The following PSMG2 variants were observed in gnomAD, a reference collection of about 807,000 sequenced individuals.
PSMG2 encodes proteasome assembly chaperone 2, also known as CD40 ligand-activated specific transcript 3.
In PSMG2, 21 loss-of-function variants were observed where a neutral mutation model predicts 31.5. The observed-to-expected ratio is 0.67, with a 90% CI of 0.47 to 0.96. The LOEUF (loss-of-function observed/expected upper bound fraction) is 0.96, where lower values mean the gene tolerates loss of function less well. Among genes scored for constraint, PSMG2 ranks in the 40% least tolerant of loss-of-function variants. The pLI is 0.00. For synonymous variants in PSMG2, 120 were observed against 110.4 expected, an observed-to-expected ratio of 1.09 and a Z score of -0.54; for missense variants, 318 against 321.2, an observed-to-expected ratio of 0.99 and a Z score of 0.08.
chr18:12,679,351 C>T (rs1037041685), intron 1 of PSMG2: 2 of 152,358 alleles, frequency 1.3e-5, no homozygotes, highest in South Asian at 2.1e-4. Context: ...GAGCTTGGCC[C>T]CTCCTCTTCC....
Position 12,703,159 on chromosome 18 carries a change from CTAAT to C in PSMG2, c.53_56del (p.Leu18ArgfsTer16), listed in dbSNP as rs751701098. 1.9e-6 allele frequency: 3 copies of C among 1,610,284 alleles called. No homozygotes were observed. In the South Asian group the frequency reaches 3.3e-5, roughly 18 times the overall value. On this transcript the variant is annotated frameshift_variant and splice_region_variant, in exon 1 of 7. Coordinates refer to ENST00000317615, the MANE Select transcript of PSMG2 (RefSeq NM_020232.5). LOFTEE classifies it high-confidence loss of function. Reference sequence around the variant, plus strand: ...CCCCGACCTTGCCGGCTTCACCCTCCTAATGGTGAGTCTCCATTTGCGCTCGGGG... The same window carrying C: ...CCCCGACCTTGCCGGCTTCACCCTCCGGTGAGTCTCCATTTGCGCTCGGGG...
At chr18:12,694,043 A>C (rs918342119) in intron 1 of PSMG2, among the ~76,000 whole-genome samples, 3 of 152,046 alleles carry the variant, frequency 2.0e-5, no homozygotes, top group African/African-American at 7.2e-5. Context: ...ATGTTGCCCA[A>C]GCTGGTCCTA....
chr18:12,668,819 C>T (rs375611555), intron 1 of PSMG2, among the ~76,000 whole-genome samples: 9 of 140,100 alleles, frequency 6.4e-5, no homozygotes, highest in African/African-American at 2.4e-4. Context: ...CGGCTCACTG[C>T]AGCCTTCGCC....
At chr18:12,687,762 C>T (rs2039595355) in intron 1 of PSMG2, among the ~76,000 whole-genome samples, 1 of 151,286 alleles carries the variant, frequency 6.6e-6, no homozygotes, top group African/African-American at 2.4e-5. Context: ...CTAGAGGGCA[C>T]CGATTTTTAA....
upstream of PSMG2, chr18:12,702,692 C>T: frequency 1.1e-6 from 1 of 900,250 alleles, no homozygotes; most frequent in Non-Finnish European, 1.6e-6. Flanking sequence ...GGGGACGCAA[C>T]GCCGCGTCAG....
rs148719448 is a variant in PSMG2 at position 12,720,970 on chromosome 18, G to A, written c.581+287G>A. 6.8e-4 allele frequency among the ~76,000 whole-genome samples: 103 copies of A among 152,266 alleles called. No homozygotes were observed. The East Asian group carries it at 0.017, about 25-fold the overall frequency. On this transcript the variant is annotated intron_variant, in intron 5 of 6. Transcript: ENST00000317615. ...CACGAGGTCAGATCAATCAAGACCAGGAGATCGAGACCATCCTGGCTAATA... is the reference window on the plus strand; with the variant it reads ...CACGAGGTCAGATCAATCAAGACCAAGAGATCGAGACCATCCTGGCTAATA...
chr18:12,678,494 G>T, intron 1 of PSMG2: 1 of 1,195,642 alleles, frequency 8.4e-7, no homozygotes, highest in Non-Finnish European at 1.2e-6. Context: ...TAAAAAGGCA[G>T]CATCTTACTG....
chr18:12,677,580 G>A (rs1161723241), intron 1 of PSMG2, among the ~76,000 whole-genome samples: 5 of 151,892 alleles, frequency 3.3e-5, no homozygotes, highest in Non-Finnish European at 5.9e-5. Flanking sequence ...ACCAACCTGG[G>A]GAGAAAAATG....
intron 1 of PSMG2, among the ~76,000 whole-genome samples, chr18:12,672,254 A>G (rs2144971494): frequency 6.6e-6 from 1 of 151,746 alleles, no homozygotes; most frequent in African/African-American, 2.4e-5. Context: ...AGCTGGGATT[A>G]CAGGTGTGAG....
chr18:12,690,087 C>G (rs199819430), intron 1 of PSMG2, among the ~76,000 whole-genome samples: 1 of 87,118 alleles, frequency 1.1e-5, no homozygotes, highest in African/African-American at 3.2e-5. Context: ...CCGCGCCCGG[C>G]CAGGAAGCCA....
chr18:12,682,191 G>C lies in PSMG2; in HGVS notation c.-37+23418G>C, dbSNP rs185923872. On this transcript the variant is annotated intron_variant, in intron 1 of 6. Coordinates refer to the PSMG2 transcript ENST00000585331. ...TTTTTTTCCTCTCTTTTGAGATAGG[G>C]TCTAGTTCTGACACCCAGGCTGGAG... is the stretch of plus-strand genomic sequence containing the variant. Among the ~76,000 whole-genome samples the C allele has an allele frequency of 4.6e-5, 7 of 151,976 alleles. No homozygotes were observed. The East Asian group carries it at 1.4e-3, about 29-fold the overall frequency.
chr18:12,700,975 C>A, upstream of PSMG2: 7 of 1,613,242 alleles, frequency 4.3e-6, no homozygotes, highest in Non-Finnish European at 5.9e-6. Context: ...AAATTAAGTT[C>A]TTTCATCACA....
rs187851173 is a variant in PSMG2, at chr18:12,716,539, G to A, written c.289-1978G>A. On this transcript the variant is annotated intron_variant, in intron 3 of 6. Transcript: ENST00000317615. Reference sequence around the variant, plus strand: ...CTCCCGAGTAGCTGGGACTACAGGCGCCCACCATCACGCCCGGCTAATTTT... The same window carrying A: ...CTCCCGAGTAGCTGGGACTACAGGCACCCACCATCACGCCCGGCTAATTTT... Among the ~76,000 whole-genome samples, 242 of 151,834 alleles carry A rather than the reference G, an allele frequency of 1.6e-3. 6 individuals carry two copies. In the East Asian group the frequency reaches 0.038, roughly 24 times the overall value.
At chr18:12,723,248 C>T (rs1001308512) in intron 5 of PSMG2, among the ~76,000 whole-genome samples, 23 of 151,858 alleles carry the variant, frequency 1.5e-4, no homozygotes, top group African/African-American at 5.1e-4. Flanking sequence ...TCTCATAGTT[C>T]TTGGTTTTAG....
At chr18:12,704,224 A>G (rs1299790397) in intron 1 of PSMG2, among the ~76,000 whole-genome samples, 1 of 152,208 alleles carries the variant, frequency 6.6e-6, no homozygotes, top group South Asian at 2.1e-4. Flanking sequence ...GAGGAAAGCC[A>G]TATTGGAGTG....
intron 5 of PSMG2, among the ~76,000 whole-genome samples, chr18:12,723,896 G>T (rs189001293): frequency 1.3e-5 from 2 of 152,168 alleles, no homozygotes; most frequent in African/African-American, 4.8e-5. Context: ...TATCTGGTAA[G>T]TTGAAGAGCT....
intron 4 of PSMG2, among the ~76,000 whole-genome samples, chr18:12,719,338 T>G (rs1318560293): frequency 6.6e-6 from 1 of 152,208 alleles, no homozygotes; most frequent in Non-Finnish European, 1.5e-5. Context: ...CATTACCACA[T>G]AAAGTTGATA....
intron 1 of PSMG2, chr18:12,680,908 A>G: frequency 2.3e-6 from 3 of 1,287,846 alleles, no homozygotes; most frequent in Non-Finnish European, 2.1e-6. Flanking sequence ...ATTATAATAA[A>G]AATTTATTGG....
intron 1 of PSMG2, among the ~76,000 whole-genome samples, chr18:12,694,090 C>G (rs1349988897): frequency 1.3e-5 from 2 of 152,212 alleles, no homozygotes. Flanking sequence ...CCACCTTAGC[C>G]TCCCACAGGG....
Sources: allele counts gnomAD v4.1 joint callset (sites outside exome capture counted in the v4.1 genomes callset), GRCh38; gene constraint gnomAD v4.1.1; transcripts MANE v1.5; gene names NCBI Gene and HGNC (gene_info 2026-07-23, HGNC 2026-07-21).